ZNF79: variants seen among roughly 807,000 people sequenced by gnomAD.
ZNF79 encodes the protein ZNFpT7.
ZNF79 carries 13 observed loss-of-function variants against 14.9 expected under a neutral mutation model. The observed-to-expected ratio is 0.87, with a 90% confidence interval of 0.57 to 1.38. ZNF79 has a LOEUF of 1.38. Ranked by LOEUF, ZNF79 falls within the 40% of genes most tolerant of loss-of-function variation. ZNF79 has a pLI of 0.00. For synonymous variants in ZNF79, 223 were observed against 235.1 expected (o/e 0.95, Z 0.47); for missense variants, 631 against 630.6 (o/e 1.00, Z -0.01).
intron 4 of ZNF79, among the ~76,000 whole-genome samples, chr9:127,440,770 A>G (rs1193780306): frequency 6.6e-6 from 1 of 152,188 alleles, no homozygotes; most frequent in Non-Finnish European, 1.5e-5. Context: ...GAGAGGGGTC[A>G]GGACATATTT....
chr9:127,437,347 C>T lies in ZNF79; in HGVS notation c.328+1344C>T, dbSNP rs537977167. Among the ~76,000 whole-genome samples, 9 of 151,826 alleles carry T rather than the reference C, an allele frequency of 5.9e-5. No homozygotes were observed. The South Asian group carries it at 6.3e-4, about 11-fold the overall frequency. Reference sequence around the variant, plus strand: ...GCTTCCTTCTCTCAAGGCCCCCCCCCGCTGCCTGGGCATCTCTGTGTTCTA... The same window carrying T: ...GCTTCCTTCTCTCAAGGCCCCCCCCTGCTGCCTGGGCATCTCTGTGTTCTA... On this transcript the variant is annotated intron_variant, in intron 4 of 4. Transcript: ENST00000342483.
chr9:127,433,029 G>A (rs1373370572), intron 2 of ZNF79, among the ~76,000 whole-genome samples: 2 of 152,146 alleles, frequency 1.3e-5, no homozygotes, highest in African/African-American at 4.8e-5. Context: ...TGATCCACCT[G>A]CTTTGGCCTC....
chr9:127,432,063 T>C (rs1833869434), intron 2 of ZNF79, among the ~76,000 whole-genome samples: 2 of 152,174 alleles, frequency 1.3e-5, no homozygotes, highest in Admixed American at 6.6e-5. Context: ...AAATTTGCTC[T>C]TGGATTTCCT....
In ZNF79 at chr9:127,444,775, A is replaced by T; in HGVS notation, c.1075A>T (p.Lys359Ter). Reference protein sequence around the residue: ...IQHQRIHTGEKPYRCAACGKA... With the variant: ...IQHQRIHTGE Reference sequence around the variant, plus strand: ...GCACCAGAGGATTCACACCGGGGAGAAGCCCTACAGATGTGCCGCGTGTGG... The same window carrying T: ...GCACCAGAGGATTCACACCGGGGAGTAGCCCTACAGATGTGCCGCGTGTGG... Residue 359 changes from lysine to a stop codon, truncating the protein, a stop_gained, in exon 5 of 5, where the codon AAG (lysine) becomes TAG (stop). Coordinates refer to ENST00000342483, the MANE Select transcript of ZNF79 (RefSeq NM_007135.3). LOFTEE classifies it low-confidence loss of function (END_TRUNC). The T allele has an allele frequency of 6.2e-7, 1 of 1,609,028 alleles. No individual in the cohort carries two copies. The highest frequency in any genetic ancestry group is 8.5e-7 in the Non-Finnish European group (1 of 1,175,932).
chr9:127,435,011 C>A, intron 2 of ZNF79, 79 bp from the exon 3 acceptor site: 3 of 1,477,164 alleles, frequency 2.0e-6, no homozygotes, highest in Non-Finnish European at 2.7e-6. Context: ...CCAGCTCCCC[C>A]AAAACTGCCA....
At chr9:127,424,832 A>C in intron 1 of ZNF79, 29 bp downstream of exon 1, 1 of 1,613,474 alleles carries the variant, frequency 6.2e-7, no homozygotes, top group Non-Finnish European at 8.5e-7. Flanking sequence ...AGCGATTGTC[A>C]AGAGATCGGC....
intron 2 of ZNF79, among the ~76,000 whole-genome samples, chr9:127,429,494 T>G (rs2131944770): frequency 6.6e-6 from 1 of 151,570 alleles, no homozygotes; most frequent in African/African-American, 2.4e-5. Flanking sequence ...CTAATTTTTT[T>G]TTTTTTTTTT....
intron 2 of ZNF79, among the ~76,000 whole-genome samples, chr9:127,429,767 C>T (rs926584970): frequency 6.6e-6 from 1 of 151,920 alleles, no homozygotes; most frequent in Non-Finnish European, 1.5e-5. Flanking sequence ...AAAAAGATGG[C>T]ACCTAACATT....
intron 2 of ZNF79, among the ~76,000 whole-genome samples, chr9:127,433,522 C>G (rs1833896113): frequency 6.6e-6 from 1 of 152,182 alleles, no homozygotes; most frequent in Admixed American, 6.6e-5. Context: ...CCCTTTCCAT[C>G]TGGCTACCCT....
intron 3 of ZNF79, 78 bp from the exon 4 acceptor site, chr9:127,435,830 A>G (rs1431294115): frequency 7.8e-6 from 9 of 1,157,490 alleles, no homozygotes; most frequent in East Asian, 2.3e-5. Context: ...CAACTGGCCT[A>G]CTTGCTCTCT....
chr9:127,445,137 G>A lies in ZNF79; in HGVS notation c.1437G>A (p.Gly479=). Residue 479 remains glycine (G), a synonymous_variant, in exon 5 of 5, where the codon GGG becomes GGA. Transcript: ENST00000342483. ...AACCCTACGAATGCAGCGAGTGTGGGAAGGCCTTCCGGTGCAGCTCTGCCT... is the reference window on the plus strand; with the variant it reads ...AACCCTACGAATGCAGCGAGTGTGGAAAGGCCTTCCGGTGCAGCTCTGCCT... ...GVKPYECSEC[G]KAFRCSSAFV... is the part of the protein sequence containing the mutation. 6.2e-7 allele frequency: 1 copy of A among 1,614,232 alleles called. No homozygotes were observed. Among genetic ancestry groups the A allele is most frequent in the Non-Finnish European group, 8.5e-7 (1 of 1,180,040 alleles).
chr9:127,424,634 G>C lies in ZNF79; in HGVS notation c.-154G>C. On this transcript the variant is annotated 5_prime_UTR_variant, in exon 1 of 5. Transcript: ENST00000342483. ...ACAGCTCCCGCGACCCAGCACCGCA[G>C]GATCAGACCGTGCCTCTGCGGGGAG... is the stretch of plus-strand genomic sequence containing the variant. The C allele has an allele frequency of 8.3e-7, 1 of 1,210,746 alleles. No individual in the cohort carries two copies. Among genetic ancestry groups the C allele is most frequent in the Non-Finnish European group, 1.2e-6 (1 of 849,380 alleles). 75.0% of individuals were successfully genotyped at this position (1,210,746 alleles called of 1,614,324 possible). A position where few individuals can be genotyped will look rare whatever the true frequency, so the allele number is the denominator to read the frequency against.
At chr9:127,428,453 A>T (rs1345292323) in intron 1 of ZNF79, 1 of 156,824 alleles carries the variant, frequency 6.4e-6, no homozygotes, top group African/African-American at 2.4e-5. Context: ...TAAACTGTAT[A>T]CTTATGTGCT....
chr9:127,444,347 C>T lies in ZNF79; in HGVS notation c.647C>T (p.Thr216Ile). 1 of 1,614,010 alleles carries T rather than the reference C, an allele frequency of 6.2e-7. No individual in the cohort carries two copies. Among genetic ancestry groups the T allele is most frequent in the Non-Finnish European group, 8.5e-7 (1 of 1,179,868 alleles). Reference sequence around the variant, plus strand: ...CTTTCTCAGCATCAGAAGAGCCACACTGGAGAGAAGCCCTATGAGTGCAGT... The same window carrying T: ...CTTTCTCAGCATCAGAAGAGCCACATTGGAGAGAAGCCCTATGAGTGCAGT... ...SSLSQHQKSH[T>I]GEKPYECSEC... The change falls in exon 5 of 5, where the codon ACT (threonine) becomes ATT (isoleucine). Residue 216 changes from threonine (T) to isoleucine (I), a missense_variant. Transcript: ENST00000342483.
intron 1 of ZNF79, among the ~76,000 whole-genome samples, chr9:127,426,444 A>AACTT (rs1231794865): frequency 1.4e-4 from 20 of 145,940 alleles, no homozygotes; most frequent in Non-Finnish European, 2.7e-4. Context: ...GTGCGATCTC[A>AACTT]GCTCACCGCA....
chr9:127,435,134 A>G lies in ZNF79; in HGVS notation c.150A>G (p.Glu50=). 1 of 1,613,062 alleles carries G rather than the reference A, an allele frequency of 6.2e-7. No individual in the cohort carries two copies. The highest frequency in any genetic ancestry group is 2.2e-5 in the East Asian group (1 of 44,794). ...FSSVTVAFAQ[E]RWRCLVSTPR... ...GTGTGACGGTAGCTTTTGCACAGGAAAGGTGGAGGTGCCTCGTGTCTACTC... is the reference window on the plus strand; with the variant it reads ...GTGTGACGGTAGCTTTTGCACAGGAGAGGTGGAGGTGCCTCGTGTCTACTC... Residue 50 remains glutamate, a synonymous_variant, in exon 3 of 5, where the codon GAA becomes GAG. Coordinates refer to ENST00000342483, the MANE Select transcript of ZNF79 (RefSeq NM_007135.3).
At chr9:127,432,711 A>G (rs542765931) in intron 2 of ZNF79, among the ~76,000 whole-genome samples, 1 of 152,150 alleles carries the variant, frequency 6.6e-6, no homozygotes, top group African/African-American at 2.4e-5. Context: ...AAATTGCTCC[A>G]TCTTCCATAT....
At chr9:127,437,342 C>CA (rs1374013396) in intron 4 of ZNF79, among the ~76,000 whole-genome samples, 2 of 151,508 alleles carry the variant, frequency 1.3e-5, no homozygotes, top group Non-Finnish European at 2.9e-5. Flanking sequence ...CTCAAGGCCC[C>CA]CCCCCGCTGC....
chr9:127,435,998 C>T lies in ZNF79; in HGVS notation c.323C>T (p.Ser108Phe). The T allele has an allele frequency of 1.9e-6, 3 of 1,614,118 alleles. No homozygotes were observed. Among genetic ancestry groups the T allele is most frequent in the Non-Finnish European group, 2.5e-6 (3 of 1,179,924 alleles). Residue 108 changes from serine to phenylalanine, a missense_variant, in exon 4 of 5, where the codon TCT (serine) becomes TTT (phenylalanine). By Grantham distance (155) the Ser-to-Phe change is radical. Coordinates refer to ENST00000342483, the MANE Select transcript of ZNF79 (RefSeq NM_007135.3). Reference sequence around the variant, plus strand: ...GAGGGCGAAGACCTGCGAAGTCCCTCTCCAGGTATGTGAGCAAGCACTTAG... The same window carrying T: ...GAGGGCGAAGACCTGCGAAGTCCCTTTCCAGGTATGTGAGCAAGCACTTAG... Reference protein sequence around the residue: ...MLEGEDLRSPSPGWKIISGSP... With the variant: ...MLEGEDLRSPFPGWKIISGSP...
Sources: allele counts gnomAD v4.1 joint callset (sites outside exome capture counted in the v4.1 genomes callset), GRCh38; gene constraint gnomAD v4.1.1; transcripts MANE v1.5; gene names NCBI Gene and HGNC (gene_info 2026-07-23, HGNC 2026-07-21).